The following COL24A1 variants were observed in gnomAD, a reference collection of about 807,000 sequenced individuals.
The protein encoded by COL24A1 is collagen alpha-1(XXIV) chain.
COL24A1 carries 224 observed loss-of-function variants against 253.9 expected under a neutral mutation model. The observed-to-expected ratio is 0.88, with a 90% CI of 0.79 to 0.99. The LOEUF (loss-of-function observed/expected upper bound fraction) is 0.99. COL24A1 is among the 50% of genes least tolerant of loss of function. The probability of loss-of-function intolerance (pLI) is 0.00; values close to 1 mark genes in which losing one functional copy is unlikely to be tolerated. For synonymous variants in COL24A1, 685 were observed against 673.7 expected (o/e 1.02, Z -0.26); for missense variants, 2,131 against 2,068.5 (o/e 1.03, Z -0.59).
At chr1:85,876,994 T>C (rs1347007642) in intron 33 of COL24A1, 128 bp downstream of exon 33, 1 of 596,760 alleles carries the variant, frequency 1.7e-6, no homozygotes, top group East Asian at 3.4e-5. Flanking sequence ...GGAATTTTAG[T>C]TTTTTTCTGA....
intron 32 of COL24A1, among the ~76,000 whole-genome samples, chr1:85,877,655 G>T (rs939519201): frequency 5.3e-5 from 8 of 152,096 alleles, no homozygotes; most frequent in Non-Finnish European, 8.8e-5. Context: ...GAGCCACTGC[G>T]CCCAGCTTCA....
chr1:85,985,237 T>C (rs1307106879), intron 20 of COL24A1, among the ~76,000 whole-genome samples: 1 of 151,702 alleles, frequency 6.6e-6, no homozygotes, highest in African/African-American at 2.4e-5. Flanking sequence ...AGGTATTAGC[T>C]AGATGCAGAA....
At position 85,729,735 on chromosome 1, in the gene COL24A1, C is replaced by A. The variant is rs1663295732; in HGVS notation, c.*811G>T. Reference sequence around the variant, plus strand: ...TGTAGCTGGCCTATAATAATTTTTACAACAATTTAAAAAATAAAACAAAAA... The same window carrying A: ...TGTAGCTGGCCTATAATAATTTTTAAAACAATTTAAAAAATAAAACAAAAA... On this transcript the variant is annotated 3_prime_UTR_variant, in exon 60 of 60. Transcript: ENST00000370571. The A allele has an allele frequency of 1.3e-5, 2 of 152,460 alleles. No homozygotes were observed. Among genetic ancestry groups the A allele is most frequent in the South Asian group, 4.2e-4 (2 of 4,818 alleles). 9.4% of individuals were successfully genotyped at this position (152,460 alleles called of 1,614,324 possible).
At chr1:86,029,224 A>G (rs1559058234) in intron 14 of COL24A1, among the ~76,000 whole-genome samples, 1 of 152,112 alleles carries the variant, frequency 6.6e-6, no homozygotes, top group African/African-American at 2.4e-5. Flanking sequence ...TATACACATA[A>G]GGGAGTATAA....
chr1:85,744,790 C>G lies in COL24A1; in HGVS notation c.4548G>C (p.Glu1516Asp). 6.2e-7 allele frequency: 1 copy of G among 1,610,672 alleles called. No homozygotes were observed. Among genetic ancestry groups the G allele is most frequent in the South Asian group, 1.1e-5 (1 of 90,794 alleles). ...TAAGGTAGTTCAGGGTTTTGAATAT[C>G]TCTTCACTGTGGTCAATTAAAGTCA... ...TEVTLIDHSE[E>D]IFKTLNYLSN... The change falls in exon 57 of 60, where the codon GAG becomes GAC. Residue 1516 changes from glutamate to aspartate, a missense_variant. Glu to Asp is a conservative substitution (Grantham distance 45, BLOSUM62 2). Coordinates refer to ENST00000370571, the MANE Select transcript of COL24A1 (RefSeq NM_152890.7).
intron 53 of COL24A1, among the ~76,000 whole-genome samples, chr1:85,773,278 C>T (rs1668170156): frequency 1.3e-5 from 2 of 152,048 alleles, no homozygotes; most frequent in Admixed American, 1.3e-4. Flanking sequence ...TACCGTCTTG[C>T]AGTAAAGTTT....
chr1:85,971,258 A>C lies in COL24A1; in HGVS notation c.2418+82T>G, dbSNP rs1372188396. ...GAAATCTGATGGTGTTTAAGCAAAA[A>C]CTGAAGGCCCACAATAAATAAAAAG... On this transcript the variant is annotated intron_variant, in intron 21 of 59. Transcript: ENST00000370571. 5.5e-6 allele frequency: 6 copies of C among 1,096,816 alleles called. No homozygotes were observed. The Admixed American group carries it at 1.3e-4, about 24-fold the overall frequency. 67.9% of individuals were successfully genotyped at this position (1,096,816 alleles called of 1,614,324 possible).
intron 11 of COL24A1, among the ~76,000 whole-genome samples, chr1:86,047,971 T>C (rs1700025860): frequency 6.6e-6 from 1 of 152,104 alleles, no homozygotes; most frequent in African/African-American, 2.4e-5. Flanking sequence ...TCAACAGTGT[T>C]TAAAAAATAC....
chr1:86,076,311 T>C (rs971205045), intron 7 of COL24A1, among the ~76,000 whole-genome samples: 7 of 151,964 alleles, frequency 4.6e-5, no homozygotes, highest in African/African-American at 1.7e-4. Context: ...GAGAATAAAA[T>C]ACCTAGGAAT....
chr1:85,890,292 C>T (rs1184842432), intron 31 of COL24A1, among the ~76,000 whole-genome samples: 3 of 152,064 alleles, frequency 2.0e-5, no homozygotes, highest in Admixed American at 2.0e-4. Flanking sequence ...TATGGTAATT[C>T]TCTGTTTAAC....
At chr1:86,131,890 C>T (rs1259328700) in intron 2 of COL24A1, among the ~76,000 whole-genome samples, 1 of 152,176 alleles carries the variant, frequency 6.6e-6, no homozygotes, top group Non-Finnish European at 1.5e-5. Flanking sequence ...AATGGGATGG[C>T]TGGATCAAAT....
At chr1:85,811,113 T>C (rs946655204) in intron 47 of COL24A1, among the ~76,000 whole-genome samples, 1 of 152,230 alleles carries the variant, frequency 6.6e-6, no homozygotes, top group African/African-American at 2.4e-5. Context: ...ATCCAGGTTA[T>C]AGTGTGTCAG....
intron 24 of COL24A1, among the ~76,000 whole-genome samples, chr1:85,923,337 G>A (rs768566828): frequency 2.0e-5 from 3 of 152,110 alleles, no homozygotes; most frequent in Non-Finnish European, 4.4e-5. Flanking sequence ...ACATCTACAG[G>A]ACTCTGCACC....
chr1:85,783,822 T>C lies in COL24A1; in HGVS notation c.4222-264A>G, dbSNP rs143217535. Among the ~76,000 whole-genome samples the C allele has an allele frequency of 4.1e-3, 629 of 152,254 alleles. 10 individuals carry two copies. The highest frequency in any genetic ancestry group is 0.013 in the African/African-American group (555 of 41,550). ...AATGGTAAAATTTAGGTAATGGGTA[T>C]AGGCATTTACTGTAAAATTTTCTCA... On this transcript the variant is annotated intron_variant, in intron 50 of 59. Transcript: ENST00000370571.
At chr1:85,795,976 T>C (rs1670764036) in intron 47 of COL24A1, among the ~76,000 whole-genome samples, 1 of 152,156 alleles carries the variant, frequency 6.6e-6, no homozygotes, top group Non-Finnish European at 1.5e-5. Flanking sequence ...TGTGGGATGG[T>C]AATTATTAGG....
chr1:85,756,890 C>T (rs899007262), intron 55 of COL24A1, among the ~76,000 whole-genome samples: 6 of 152,044 alleles, frequency 3.9e-5, no homozygotes, highest in South Asian at 2.1e-4. Flanking sequence ...AAATAAAATT[C>T]GAATATACGC....
intron 1 of COL24A1, among the ~76,000 whole-genome samples, chr1:86,151,233 A>G (rs1423323515): frequency 6.6e-6 from 1 of 152,104 alleles, no homozygotes; most frequent in African/African-American, 2.4e-5. Flanking sequence ...ATTCATTCAT[A>G]TATTTAGTTT....
chr1:85,821,815 T>G (rs1309013141), intron 45 of COL24A1, among the ~76,000 whole-genome samples: 1 of 152,204 alleles, frequency 6.6e-6, no homozygotes. Flanking sequence ...TTGATATTCA[T>G]TAGCCTAATT....
intron 3 of COL24A1, among the ~76,000 whole-genome samples, chr1:86,121,725 C>T (rs1364758235): frequency 6.6e-6 from 1 of 151,888 alleles, no homozygotes; most frequent in South Asian, 2.1e-4. Flanking sequence ...TAATAAATAC[C>T]ATTCATCATC....
Sources: allele counts gnomAD v4.1 joint callset (sites outside exome capture counted in the v4.1 genomes callset), GRCh38; gene constraint gnomAD v4.1.1; transcripts MANE v1.5; gene names NCBI Gene and HGNC (gene_info 2026-07-23, HGNC 2026-07-21).